The following CDH18 variants were observed in gnomAD, a reference collection of about 807,000 sequenced individuals.
The protein encoded by CDH18 is cadherin-18.
Under a neutral mutation model 67.9 loss-of-function variants are expected in CDH18, and 31 were observed. That is an observed-to-expected ratio of 0.46 (90% CI 0.34 to 0.62). CDH18 has a LOEUF of 0.62. Among genes scored for constraint, CDH18 ranks in the 20% least tolerant of loss-of-function variants. The pLI, the probability that CDH18 is intolerant of heterozygous loss-of-function variation, is 0.01. For synonymous variants in CDH18, 362 were observed against 347.2 expected (o/e 1.04, Z -0.48); for missense variants, 890 against 975.5 (o/e 0.91, Z 1.17).
intron 2 of CDH18, among the ~76,000 whole-genome samples, chr5:19,885,674 T>A (rs1285128902): frequency 6.6e-6 from 1 of 152,112 alleles, no homozygotes; most frequent in African/African-American, 2.4e-5. Context: ...AATCCTCCTG[T>A]TTCAGCCTCC....
At chr5:19,593,709 T>TCCTCCTCCTCCTCCTCC (rs70950076) in intron 6 of CDH18, among the ~76,000 whole-genome samples, 15 of 111,204 alleles carry the variant, frequency 1.3e-4, no homozygotes, top group Non-Finnish European at 2.2e-4. Context: ...CTCCTCCTCC[T>TCCTCCTCCTCCTCCTCC]TCTTCTTCTT....
At chr5:20,355,067 A>G (rs964359258) in intron 1 of CDH18, among the ~76,000 whole-genome samples, 3 of 152,260 alleles carry the variant, frequency 2.0e-5, no homozygotes, top group African/African-American at 7.2e-5. Context: ...TTTCTTCCTT[A>G]TTTAAGGTGT....
intron 2 of CDH18, among the ~76,000 whole-genome samples, chr5:20,165,824 G>T (rs1314636573): frequency 6.6e-6 from 1 of 151,836 alleles, no homozygotes; most frequent in Non-Finnish European, 1.5e-5. Context: ...ATAAACAGTT[G>T]CAGTACAAAG....
At chr5:19,534,920 T>C (rs575005174) in intron 9 of CDH18, among the ~76,000 whole-genome samples, 58 of 152,254 alleles carry the variant, frequency 3.8e-4, no homozygotes, top group African/African-American at 1.3e-3. Flanking sequence ...AGCAGTCCTA[T>C]GAAGGAGTCC....
At chr5:20,221,580 T>C (rs966123997) in intron 2 of CDH18, among the ~76,000 whole-genome samples, 1 of 152,120 alleles carries the variant, frequency 6.6e-6, no homozygotes, top group Non-Finnish European at 1.5e-5. Context: ...TAGTCAATAA[T>C]AATTTATTGT....
intron 4 of CDH18, among the ~76,000 whole-genome samples, chr5:19,726,648 G>T (rs1766885347): frequency 6.6e-6 from 1 of 152,126 alleles, no homozygotes; most frequent in South Asian, 2.1e-4. Context: ...AAGGCTGAAA[G>T]AAAAATATAT....
chr5:20,305,478 G>T, intron 1 of CDH18: 1 of 1,278,270 alleles, frequency 7.8e-7, no homozygotes, highest in Non-Finnish European at 1.1e-6. Flanking sequence ...GGCCGCCGCT[G>T]CACTCGCTGG....
intron 5 of CDH18, among the ~76,000 whole-genome samples, chr5:19,712,270 C>CT (rs1180078548): frequency 6.6e-6 from 1 of 151,976 alleles, no homozygotes; most frequent in Non-Finnish European, 1.5e-5. Context: ...TAACAAAACT[C>CT]TACTTGTATC....
intron 1 of CDH18, among the ~76,000 whole-genome samples, chr5:20,406,749 G>T (rs1350246138): frequency 6.6e-6 from 1 of 152,126 alleles, no homozygotes; most frequent in African/African-American, 2.4e-5. Flanking sequence ...GCAGAAGGAA[G>T]ATAGTAGAAT....
At chr5:20,391,325 C>G (rs1315092225) in intron 1 of CDH18, among the ~76,000 whole-genome samples, 3 of 151,820 alleles carry the variant, frequency 2.0e-5, no homozygotes, top group African/African-American at 7.3e-5. Flanking sequence ...AATCCTGCAT[C>G]AGTAGACTCT....
intron 12 of CDH18, among the ~76,000 whole-genome samples, chr5:19,474,174 C>A (rs970687193): frequency 6.6e-6 from 1 of 152,072 alleles, no homozygotes; most frequent in African/African-American, 2.4e-5. Flanking sequence ...GAAGAAGGAG[C>A]CTTAACGTTA....
At chr5:19,715,281 T>A (rs968618132) in intron 5 of CDH18, among the ~76,000 whole-genome samples, 1 of 152,168 alleles carries the variant, frequency 6.6e-6, no homozygotes, top group African/African-American at 2.4e-5. Flanking sequence ...GAAGAAATAA[T>A]GTTGAAAAAC....
chr5:19,694,180 T>C (rs534948480), intron 5 of CDH18, among the ~76,000 whole-genome samples: 2 of 152,164 alleles, frequency 1.3e-5, no homozygotes, highest in Non-Finnish European at 2.9e-5. Flanking sequence ...GTATCTTTAA[T>C]TTTTTTATAT....
intron 1 of CDH18, among the ~76,000 whole-genome samples, chr5:20,469,460 T>C (rs1168437855): frequency 1.3e-5 from 2 of 152,182 alleles, no homozygotes; most frequent in Admixed American, 1.3e-4. Context: ...ATTGGATATA[T>C]ACTGTGCTGA....
intron 2 of CDH18, among the ~76,000 whole-genome samples, chr5:20,183,536 A>T (rs953956995): frequency 1.3e-5 from 2 of 152,142 alleles, no homozygotes; most frequent in Non-Finnish European, 2.9e-5. Flanking sequence ...GAAAAAAAGA[A>T]GAAAAAACAA....
chr5:20,393,980 C>G (rs980480167), intron 1 of CDH18, among the ~76,000 whole-genome samples: 1 of 152,006 alleles, frequency 6.6e-6, no homozygotes, highest in Non-Finnish European at 1.5e-5. Context: ...AATGACCATA[C>G]TGCCCAAAGC....
chr5:20,032,299 CCT>C (rs1338131650), intron 2 of CDH18, among the ~76,000 whole-genome samples: 4 of 150,776 alleles, frequency 2.7e-5, no homozygotes, highest in African/African-American at 9.7e-5. Flanking sequence ...AGTGACTGTC[CCT>C]GACTTTAGTT....
At chr5:20,530,660 G>C (rs1022796663) in intron 1 of CDH18, among the ~76,000 whole-genome samples, 5 of 152,002 alleles carry the variant, frequency 3.3e-5, no homozygotes, top group African/African-American at 9.7e-5. Flanking sequence ...TTAACAAATG[G>C]CACTGGGAAA....
chr5:19,582,379 G>T (rs114808676), intron 7 of CDH18, among the ~76,000 whole-genome samples: 2,709 of 152,002 alleles, frequency 0.018, 85 homozygotes, highest in African/African-American at 0.062. Flanking sequence ...GAATATATGT[G>T]TCAAAACAAT....
Sources: allele counts gnomAD v4.1 joint callset (sites outside exome capture counted in the v4.1 genomes callset), GRCh38; gene constraint gnomAD v4.1.1; transcripts MANE v1.5; gene names NCBI Gene and HGNC (gene_info 2026-07-23, HGNC 2026-07-21).